The following PDE4B variants were observed in gnomAD, a reference collection of about 807,000 sequenced individuals.
PDE4B encodes the protein phosphodiesterase 4B.
A neutral mutation model predicts 82.2 loss-of-function variants in PDE4B; 20 were observed. The ratio of observed to expected loss-of-function variants is 0.24; its 90% CI spans 0.17 to 0.35. The LOEUF (loss-of-function observed/expected upper bound fraction) is 0.35. PDE4B is among the 10% of genes least tolerant of loss of function. The probability of loss-of-function intolerance (pLI) is 1.00; values close to 1 mark genes in which losing one functional copy is unlikely to be tolerated. For missense variants in PDE4B, 655 were observed against 907.2 expected (o/e 0.72, Z 3.57); for synonymous variants, 320 against 318.9 (o/e 1.00, Z -0.04).
intron 3 of PDE4B, among the ~76,000 whole-genome samples, chr1:65,952,744 C>T (rs952481770): frequency 6.6e-6 from 1 of 152,006 alleles, no homozygotes; most frequent in African/African-American, 2.4e-5. Flanking sequence ...GCAAACTACA[C>T]TTTGACTCCT....
At chr1:66,355,730 G>A in intron 9 of PDE4B, 110 bp downstream of exon 9, 93 of 516,048 alleles carry the variant, frequency 1.8e-4, no homozygotes, top group South Asian at 3.7e-4. Context: ...TTGAGTCATA[G>A]AAAAATCCAT....
intron 1 of PDE4B, among the ~76,000 whole-genome samples, chr1:65,818,248 C>G (rs1205227576): frequency 6.6e-5 from 10 of 152,310 alleles, no homozygotes; most frequent in Admixed American, 6.5e-4. Context: ...TAAGCTTTTC[C>G]TGCTCAGGAC....
rs376802391 is a variant in PDE4B, at chr1:66,374,476, G to A, written c.*1798G>A. 3.9e-5 allele frequency: 6 copies of A among 152,646 alleles called. No individual in the cohort carries two copies. Among genetic ancestry groups the A allele is most frequent in the African/African-American group, 1.4e-4 (6 of 41,520 alleles). The allele number at this position is 152,646 out of a possible 1,614,324, so 9.5% of individuals were successfully genotyped here. A position where few individuals can be genotyped will look rare whatever the true frequency, so the allele number is the denominator to read the frequency against. The stretch of plus-strand genomic sequence containing the variant: ...GGTGGACATTTTATCATTTTCAAAT[G>A]TTTCTCACAATGTATGTTATAGTAT... On this transcript the variant is annotated 3_prime_UTR_variant, in exon 17 of 17. Coordinates refer to ENST00000341517, the MANE Select transcript of PDE4B (RefSeq NM_002600.4).
At chr1:66,026,720 T>C (rs1237913479) in intron 3 of PDE4B, among the ~76,000 whole-genome samples, 3 of 152,222 alleles carry the variant, frequency 2.0e-5, no homozygotes, top group Non-Finnish European at 4.4e-5. Context: ...ATATTAACTG[T>C]TATTCTCATT....
chr1:66,073,812 G>A (rs919294479), intron 3 of PDE4B, among the ~76,000 whole-genome samples: 1 of 152,064 alleles, frequency 6.6e-6, no homozygotes, highest in Non-Finnish European at 1.5e-5. Flanking sequence ...TGCCTCTAAG[G>A]ACATTAACAA....
chr1:66,034,662 T>C (rs958831150), intron 3 of PDE4B, among the ~76,000 whole-genome samples: 2 of 152,192 alleles, frequency 1.3e-5, no homozygotes, highest in African/African-American at 4.8e-5. Flanking sequence ...CAACCTTTAA[T>C]GTTTTCCTTG....
intron 3 of PDE4B, among the ~76,000 whole-genome samples, chr1:66,232,576 C>A (rs1262565699): frequency 6.6e-6 from 1 of 152,034 alleles, no homozygotes; most frequent in African/African-American, 2.4e-5. Context: ...TAAAGCTGAG[C>A]CCAGGGGCCC....
rs114284053 is a variant in PDE4B at position 66,020,127 on chromosome 1, A to G, written c.281+101292A>G. Among the ~76,000 whole-genome samples the G allele has an allele frequency of 2.2e-3, 333 of 152,312 alleles. 2 individuals are homozygous for G. Among genetic ancestry groups the G allele is most frequent in the African/African-American group, 7.5e-3 (311 of 41,572 alleles). ...ACTGTTGAGGAAAGTAGACATCTATATTTTTATAATGCCTATTTGAAATTT... is the reference window on the plus strand; with the variant it reads ...ACTGTTGAGGAAAGTAGACATCTATGTTTTTATAATGCCTATTTGAAATTT... On this transcript the variant is annotated intron_variant, in intron 3 of 16. Transcript: ENST00000341517.
At chr1:65,794,968 T>C (rs1645614326) in intron 1 of PDE4B, among the ~76,000 whole-genome samples, 1 of 152,220 alleles carries the variant, frequency 6.6e-6, no homozygotes, top group Non-Finnish European at 1.5e-5. Flanking sequence ...CTTAAATTTC[T>C]CTAGAGAGTA....
intron 7 of PDE4B, among the ~76,000 whole-genome samples, chr1:66,295,793 T>C (rs72660603): frequency 0.012 from 1,859 of 152,314 alleles, 18 homozygotes; most frequent in Non-Finnish European, 0.02. Flanking sequence ...AGCTCAGTAG[T>C]AGATTTCTAT....
intron 1 of PDE4B, among the ~76,000 whole-genome samples, chr1:65,883,667 G>T (rs1451091984): frequency 8.6e-5 from 13 of 152,028 alleles, no homozygotes; most frequent in East Asian, 7.7e-4. Context: ...CTGCCTAATT[G>T]CCCTGGCCAG....
At chr1:65,837,911 T>C (rs1180268715) in intron 1 of PDE4B, among the ~76,000 whole-genome samples, 4 of 152,176 alleles carry the variant, frequency 2.6e-5, no homozygotes, top group Non-Finnish European at 4.4e-5. Flanking sequence ...AAAGGCCCAG[T>C]GTGTGTTACC....
At chr1:66,058,330 T>A (rs1655410055) in intron 3 of PDE4B, among the ~76,000 whole-genome samples, 1 of 152,198 alleles carries the variant, frequency 6.6e-6, no homozygotes, top group South Asian at 2.1e-4. Context: ...GTCTGTGGCT[T>A]TTCCAGGTGC....
At chr1:66,053,834 G>A (rs949624245) in intron 3 of PDE4B, among the ~76,000 whole-genome samples, 2 of 152,112 alleles carry the variant, frequency 1.3e-5, no homozygotes, top group Non-Finnish European at 2.9e-5. Context: ...ACTCCAGCCT[G>A]GGTGACAAGA....
intron 7 of PDE4B, among the ~76,000 whole-genome samples, chr1:66,313,038 T>G (rs758572344): frequency 6.6e-6 from 1 of 152,236 alleles, no homozygotes; most frequent in African/African-American, 2.4e-5. Flanking sequence ...AGCAGTGTTC[T>G]GCCTGCCTCT....
chr1:66,108,544 A>G (rs868319892), intron 3 of PDE4B, among the ~76,000 whole-genome samples: 1 of 151,954 alleles, frequency 6.6e-6, no homozygotes, highest in Admixed American at 6.6e-5. Context: ...TGCAAACCAC[A>G]CATCTAATAA....
intron 3 of PDE4B, among the ~76,000 whole-genome samples, chr1:66,100,747 T>A (rs182033044): frequency 1.3e-5 from 2 of 152,332 alleles, no homozygotes; most frequent in Admixed American, 1.3e-4. Flanking sequence ...CTATTAATTA[T>A]CTGTGGCTAT....
Position 66,044,847 on chromosome 1 carries a change from A to T in PDE4B, c.281+126012A>T, listed in dbSNP as rs145740085. Among the ~76,000 whole-genome samples, 306 of 151,818 alleles carry T rather than the reference A, an allele frequency of 2.0e-3. 1 individual carries two copies. Among genetic ancestry groups the T allele is most frequent in the African/African-American group, 6.9e-3 (286 of 41,508 alleles). Reference sequence around the variant, plus strand: ...AATTTTACCTTTCCTAGAATCCAAGATCATTATTATAAACATCAGCTACTG... The same window carrying T: ...AATTTTACCTTTCCTAGAATCCAAGTTCATTATTATAAACATCAGCTACTG... On this transcript the variant is annotated intron_variant, in intron 3 of 16. Coordinates refer to ENST00000341517, the MANE Select transcript of PDE4B (RefSeq NM_002600.4).
At chr1:65,836,049 C>T (rs1646135744) in intron 1 of PDE4B, among the ~76,000 whole-genome samples, 1 of 152,068 alleles carries the variant, frequency 6.6e-6, no homozygotes, top group Admixed American at 6.6e-5. Flanking sequence ...TCAAGCGATT[C>T]TCCTGCCTCG....
Sources: gnomAD v4.1 joint callset for allele counts (sites outside exome capture counted in the v4.1 genomes callset) on GRCh38, gnomAD v4.1.1 for gene constraint, MANE v1.5 for transcripts, NCBI Gene and HGNC (gene_info 2026-07-23, HGNC 2026-07-21) for gene names.